USP53: variants seen among roughly 807,000 people sequenced by gnomAD.
USP53 encodes the protein ubiquitin carboxyl-terminal hydrolase 53.
Under a neutral mutation model 94.9 loss-of-function variants are expected in USP53, and 71 were observed. That is an observed-to-expected ratio of 0.75 (90% confidence interval 0.62 to 0.91). The LOEUF is 0.91. Ranked by LOEUF, USP53 falls within the 40% of genes least tolerant of loss-of-function variation. The pLI, the probability that USP53 is intolerant of heterozygous loss-of-function variation, is 0.00. For missense variants in USP53, 1,173 were observed against 1,281.0 expected (o/e 0.92, Z 1.29); for synonymous variants, 375 against 422.7 (o/e 0.89, Z 1.39).
In USP53 at chr4:119,293,205, A is replaced by G. The variant is rs1359821112; in HGVS notation, c.3216A>G (p.Leu1072=). The stretch of plus-strand genomic sequence containing the variant: ...GCAGTGGCTTTTGTAATAATTCACT[A>G]TCTTAGAGTGAAAAAGGACTAGACC... ...PESSGFCNNS[L]S is the part of the protein sequence containing the mutation. The change falls in exon 19 of 19, where the codon CTA becomes CTG. Residue 1072 remains leucine, a synonymous_variant. Transcript: ENST00000692078. 2 of 1,587,878 alleles carry G rather than the reference A, an allele frequency of 1.3e-6. No individual in the cohort carries two copies. The highest frequency in any genetic ancestry group is 2.7e-5 in the African/African-American group (2 of 73,834).
rs570823030 is a variant in USP53, at chr4:119,247,735, TA to T, written c.238-1008del. Among the ~76,000 whole-genome samples the T allele has an allele frequency of 1.7e-3, 256 of 152,262 alleles. 2 individuals carry two copies. The highest frequency in any genetic ancestry group is 5.8e-3 in the African/African-American group (242 of 41,558). ...AATGAGTGACAGTCTCGCATAGGAT[TA>T]AAAATCTTAAACATTACCTGGAAGT... is the stretch of plus-strand genomic sequence containing the variant. On this transcript the variant is annotated intron_variant, in intron 6 of 18. Transcript: ENST00000692078.
At chr4:119,230,824 T>G (rs538554973) in intron 3 of USP53, among the ~76,000 whole-genome samples, 1 of 151,546 alleles carries the variant, frequency 6.6e-6, no homozygotes, top group East Asian at 1.9e-4. Flanking sequence ...AGACAGAGAG[T>G]GAGGGGAACC....
chr4:119,245,935 CT>C (rs1227770365), intron 6 of USP53, among the ~76,000 whole-genome samples: 1 of 152,156 alleles, frequency 6.6e-6, no homozygotes, highest in African/African-American at 2.4e-5. Context: ...GAAAGCCTCA[CT>C]GAGAAACTGA....
At chr4:119,250,958 A>C (rs923935528) in intron 7 of USP53, among the ~76,000 whole-genome samples, 1 of 151,702 alleles carries the variant, frequency 6.6e-6, no homozygotes, top group African/African-American at 2.4e-5. Context: ...CAGAACTTGC[A>C]GTTTTGTTAC....
rs562436270 is a variant in USP53, at chr4:119,222,143, C to G, written c.-665+4470C>G. ...TTTTTTATTTTCTTCCTTATTCTTG[C>G]AATAGAATTGTATCTTTTTTTAATT... On this transcript the variant is annotated intron_variant, in intron 3 of 18. Coordinates refer to ENST00000692078, the MANE Select transcript of USP53 (RefSeq NM_001371395.1). Among the ~76,000 whole-genome samples, 9 of 152,098 alleles carry G rather than the reference C, an allele frequency of 5.9e-5. No individual in the cohort carries two copies. In the South Asian group the frequency reaches 1.2e-3, roughly 21 times the overall value.
intron 3 of USP53, among the ~76,000 whole-genome samples, chr4:119,225,043 A>G (rs745340650): frequency 2.0e-5 from 3 of 152,182 alleles, no homozygotes; most frequent in Non-Finnish European, 4.4e-5. Flanking sequence ...AATAAAGTTG[A>G]TAAAATCCCT....
At position 119,294,016 on chromosome 4, in the gene USP53, TAAGTTAAA is replaced by T. The variant is rs1755047715; in HGVS notation, c.*815_*822del. Reference sequence around the variant, plus strand: ...ATTCATAAATGCTACTTTAGCCATGTAAGTTAAAAAGTTAAAATACTTAAACTTTAGTG... The same window carrying T: ...ATTCATAAATGCTACTTTAGCCATGTAAGTTAAAATACTTAAACTTTAGTG... On this transcript the variant is annotated 3_prime_UTR_variant, in exon 19 of 19. Transcript: ENST00000692078. The T allele has an allele frequency of 6.6e-6, 1 of 152,158 alleles. No individual in the cohort carries two copies. Among genetic ancestry groups the T allele is most frequent in the African/African-American group, 2.4e-5 (1 of 41,460 alleles). The allele number at this position is 152,158 out of a possible 1,614,324, so 9.4% of individuals were successfully genotyped here.
At position 119,258,257 on chromosome 4, in the gene USP53, G is replaced by A. The variant is rs145466419; in HGVS notation, c.570-1563G>A. 5.2e-3 allele frequency among the ~76,000 whole-genome samples: 787 copies of A among 152,266 alleles called. 5 individuals are homozygous for A. Among genetic ancestry groups the A allele is most frequent in the Middle Eastern group, 0.02 (6 of 294 alleles). Reference sequence around the variant, plus strand: ...CTCTAATGCTGTCAGTTTTGTAAAAGCAGTATATGCAATTTGAATGAGCTT... The same window carrying A: ...CTCTAATGCTGTCAGTTTTGTAAAAACAGTATATGCAATTTGAATGAGCTT... On this transcript the variant is annotated intron_variant, in intron 9 of 18. Coordinates refer to ENST00000692078, the MANE Select transcript of USP53 (RefSeq NM_001371395.1).
intron 17 of USP53, among the ~76,000 whole-genome samples, chr4:119,289,054 C>T (rs1254125959): frequency 6.6e-6 from 1 of 151,782 alleles, no homozygotes; most frequent in African/African-American, 2.4e-5. Context: ...ACCATAGATA[C>T]TAGCAGAAAG....
intron 7 of USP53, among the ~76,000 whole-genome samples, chr4:119,251,528 A>G (rs1265332098): frequency 6.6e-6 from 1 of 152,232 alleles, no homozygotes; most frequent in African/African-American, 2.4e-5. Flanking sequence ...TCGACAGTGT[A>G]AAAGCATTCC....
intron 3 of USP53, among the ~76,000 whole-genome samples, chr4:119,231,100 T>G (rs1163953565): frequency 6.6e-6 from 1 of 152,126 alleles, no homozygotes; most frequent in Non-Finnish European, 1.5e-5. Context: ...ATTGACCATA[T>G]TGAGGAACTA....
chr4:119,275,508 G>C (rs1274743478), intron 17 of USP53, among the ~76,000 whole-genome samples: 1 of 143,170 alleles, frequency 7.0e-6, no homozygotes, highest in African/African-American at 2.6e-5. Context: ...TAGCCTTGTA[G>C]TATAGTTTGA....
At chr4:119,270,798 C>G (rs529256094) in intron 15 of USP53, among the ~76,000 whole-genome samples, 93 of 152,194 alleles carry the variant, frequency 6.1e-4, no homozygotes, top group African/African-American at 2.1e-3. Context: ...TTGCCTAGAG[C>G]CATAGCATAA....
At chr4:119,224,670 C>T (rs1384735939) in intron 3 of USP53, among the ~76,000 whole-genome samples, 1 of 152,062 alleles carries the variant, frequency 6.6e-6, no homozygotes, top group African/African-American at 2.4e-5. Context: ...ATAAGAGTGC[C>T]CTTGAATCTC....
At chr4:119,252,547 G>A (rs552174108) in intron 7 of USP53, among the ~76,000 whole-genome samples, 4 of 152,294 alleles carry the variant, frequency 2.6e-5, no homozygotes, top group African/African-American at 7.2e-5. Flanking sequence ...TTCTGTGATG[G>A]TAGTTTATAT....
rs1754981935 is a variant in USP53 at position 119,293,317 on chromosome 4, T to C, written c.*106T>C. 2 of 1,312,066 alleles carry C rather than the reference T, an allele frequency of 1.5e-6. No individual in the cohort carries two copies. Among genetic ancestry groups the C allele is most frequent in the Non-Finnish European group, 1.0e-6 (1 of 982,348 alleles). 81.3% of individuals were successfully genotyped at this position (1,312,066 alleles called of 1,614,324 possible). ...CATTGTAATAGATAACTGGTAAAACTGACCAACTTTTACTTCTCAGAGGCC... is the reference window on the plus strand; with the variant it reads ...CATTGTAATAGATAACTGGTAAAACCGACCAACTTTTACTTCTCAGAGGCC... On this transcript the variant is annotated 3_prime_UTR_variant, in exon 19 of 19. Coordinates refer to ENST00000692078, the MANE Select transcript of USP53 (RefSeq NM_001371395.1).
At chr4:119,230,759 C>T (rs1245431507) in intron 3 of USP53, among the ~76,000 whole-genome samples, 1 of 152,152 alleles carries the variant, frequency 6.6e-6, no homozygotes, top group African/African-American at 2.4e-5. Context: ...CTATGGCCAA[C>T]TGGAAGTGGG....
At chr4:119,223,593 G>A (rs1561188823) in intron 3 of USP53, among the ~76,000 whole-genome samples, 1 of 152,158 alleles carries the variant, frequency 6.6e-6, no homozygotes, top group Admixed American at 6.5e-5. Flanking sequence ...CCGACTAAGA[G>A]TTTCCTCCCT....
chr4:119,216,379 TAAA>T (rs34476597), intron 2 of USP53, among the ~76,000 whole-genome samples: 5 of 146,752 alleles, frequency 3.4e-5, no homozygotes, highest in African/African-American at 5.0e-5. Context: ...AGACTCTGTC[TAAA>T]AAAAAAAAAA....
Sources: gnomAD v4.1 joint callset for allele counts (sites outside exome capture counted in the v4.1 genomes callset) on GRCh38, gnomAD v4.1.1 for gene constraint, MANE v1.5 for transcripts, NCBI Gene and HGNC (gene_info 2026-07-23, HGNC 2026-07-21) for gene names.